Variants in GPRIN2 observed in about 807,000 individuals in gnomAD.
GPRIN2 encodes the protein G protein-regulated inducer of neurite outgrowth 2.
In GPRIN2, 1 loss-of-function variant was observed where a neutral mutation model predicts 0.3. That is an observed-to-expected ratio of 3.90 (90% CI 1.39 to 18.51). GPRIN2 has a LOEUF of 18.51. Among genes scored for constraint, GPRIN2 ranks in the 30% most tolerant of loss-of-function variants. The pLI is 0.11. For missense variants in GPRIN2, 880 were observed against 604.2 expected, an observed-to-expected ratio of 1.46 and a Z score of -4.79; for synonymous variants, 361 against 258.6, an observed-to-expected ratio of 1.40 and a Z score of -3.80.
chr10:46,554,835 C>T (rs1313519325), intron 1 of GPRIN2, 140 bp from the exon 2 acceptor site: 1 of 154,226 alleles, frequency 6.5e-6, no homozygotes, highest in East Asian at 1.9e-4. Flanking sequence ...CATGCTGCCA[C>T]AGCAGAGGAG....
upstream of GPRIN2, among the ~76,000 whole-genome samples, chr10:46,557,514 G>A (rs1843367804): frequency 1.3e-5 from 2 of 152,312 alleles, no homozygotes; most frequent in African/African-American, 2.4e-5. Flanking sequence ...GACCCCAACA[G>A]CGGGCGAGGG....
rs1402679314 is a variant in GPRIN2 at position 46,541,884 on chromosome 10, C to A, written c.*7476G>T. Among the ~76,000 whole-genome samples the A allele has an allele frequency of 6.6e-6, 1 of 152,300 alleles. No homozygotes were observed. Among genetic ancestry groups the A allele is most frequent in the Non-Finnish European group, 1.5e-5 (1 of 68,050 alleles). On this transcript the variant is annotated 3_prime_UTR_variant, in exon 3 of 3. Transcript: ENST00000374314. ...GTCCTACGGTATCCCAGGTGCCAGC[C>A]CCCTGTGTCCACACCCCTGCTGGTT...
At position 46,546,914 on chromosome 10, in the gene GPRIN2, G is replaced by C. The variant is rs1842209583; in HGVS notation, c.*2446C>G. ...GTGACGATGAGGTGAGTGGGAGCTTGGCTGAGCCCAGCCCGGCCTGCCATC... is the reference window on the plus strand; with the variant it reads ...GTGACGATGAGGTGAGTGGGAGCTTCGCTGAGCCCAGCCCGGCCTGCCATC... On this transcript the variant is annotated 3_prime_UTR_variant, in exon 3 of 3. Coordinates refer to ENST00000374314, the MANE Select transcript of GPRIN2 (RefSeq NM_001385282.1). Among the ~76,000 whole-genome samples, 1 of 152,310 alleles carries C rather than the reference G, an allele frequency of 6.6e-6. No homozygotes were observed. Among genetic ancestry groups the C allele is most frequent in the Non-Finnish European group, 1.5e-5 (1 of 68,056 alleles).
chr10:46,542,220 G>A lies in GPRIN2; in HGVS notation c.*7140C>T, dbSNP rs1833074412. 2.0e-5 allele frequency among the ~76,000 whole-genome samples: 3 copies of A among 152,422 alleles called. No homozygotes were observed. The East Asian group carries it at 5.8e-4, about 29-fold the overall frequency. ...CAGCAACAGGGAACAAATCTGAGTG[G>A]AGGGGAGAATTCTACCCCTCCCAGG... is the stretch of plus-strand genomic sequence containing the variant. On this transcript the variant is annotated 3_prime_UTR_variant, in exon 3 of 3. Coordinates refer to ENST00000374314, the MANE Select transcript of GPRIN2 (RefSeq NM_001385282.1).
intron 2 of GPRIN2, among the ~76,000 whole-genome samples, 170 bp from the exon 3 acceptor site, chr10:46,550,912 C>T (rs1378683515): frequency 3.9e-5 from 6 of 152,310 alleles, no homozygotes. Flanking sequence ...ACACCAGACA[C>T]TTCAAATCAA....
chr10:46,542,132 T>G lies in GPRIN2; in HGVS notation c.*7228A>C, dbSNP rs1292372789. ...CACCATCTCCCAGTCTGTTGACTGC[T>G]AAAAATGAGAAGTGAACAGAGAGAA... is the stretch of plus-strand genomic sequence containing the variant. On this transcript the variant is annotated 3_prime_UTR_variant, in exon 3 of 3. Coordinates refer to ENST00000374314, the MANE Select transcript of GPRIN2 (RefSeq NM_001385282.1). Among the ~76,000 whole-genome samples, 3 of 152,308 alleles carry G rather than the reference T, an allele frequency of 2.0e-5. No homozygotes were observed. Among genetic ancestry groups the G allele is most frequent in the African/African-American group, 7.2e-5 (3 of 41,488 alleles).
Position 46,550,446 on chromosome 10 carries a change from A to G in GPRIN2, c.291T>C (p.Asn97=). ...GGHWWSSTVG[N]VSTMGGSDLC... ...GGTCACTGCCGCCCATGGTGGACAC[A>G]TTGCCCACAGTGCTGCTCCACCAGT... Residue 97 remains asparagine, a synonymous_variant, in exon 3 of 3, where the codon AAT becomes AAC. Transcript: ENST00000374314. 6.2e-7 allele frequency: 1 copy of G among 1,611,938 alleles called. No individual in the cohort carries two copies. The highest frequency in any genetic ancestry group is 1.3e-5 in the African/African-American group (1 of 75,088).
At position 46,547,445 on chromosome 10, in the gene GPRIN2, C is replaced by A. The variant is rs1842267108; in HGVS notation, c.*1915G>T. Among the ~76,000 whole-genome samples, 2 of 152,312 alleles carry A rather than the reference C, an allele frequency of 1.3e-5. No homozygotes were observed. The highest frequency in any genetic ancestry group is 6.5e-5 in the Admixed American group (1 of 15,294). ...GACCCCTGGTCACCTCCCAACCCAA[C>A]AAACGCTCCAAATGAGCCGCCACTG... On this transcript the variant is annotated 3_prime_UTR_variant, in exon 3 of 3. Transcript: ENST00000374314.
At position 46,549,665 on chromosome 10, in the gene GPRIN2, C is replaced by A; in HGVS notation, c.1072G>T (p.Ala358Ser). The A allele has an allele frequency of 1.2e-6, 2 of 1,614,172 alleles. No homozygotes were observed. The highest frequency in any genetic ancestry group is 1.7e-6 in the Non-Finnish European group (2 of 1,179,958). ...VATSPSLEAP[A>S]ALHVFPEVTL... ...ACCTCTGGGAACACATGCAGGGCTG[C>A]AGGCGCTTCCAGGGACGGACTGGTG... is the stretch of plus-strand genomic sequence containing the variant. The change falls in exon 3 of 3, where the codon GCA becomes TCA. Residue 358 changes from alanine (A) to serine (S), a missense_variant. Ala to Ser is a moderately conservative substitution (Grantham distance 99). Transcript: ENST00000374314.
Position 46,550,426 on chromosome 10 carries a change from C to T in GPRIN2, c.311G>A (p.Ser104Asn), listed in dbSNP as rs1842493479. Residue 104 changes from serine (S) to asparagine (N), a missense_variant, in exon 3 of 3, where the codon AGT (serine) becomes AAT (asparagine). Ser to Asn is a conservative substitution (Grantham distance 46). Transcript: ENST00000374314. Reference sequence around the variant, plus strand: ...AGGGGCCCGCAGGCGACACAGGTCACTGCCGCCCATGGTGGACACATTGCC... The same window carrying T: ...AGGGGCCCGCAGGCGACACAGGTCATTGCCGCCCATGGTGGACACATTGCC... ...TVGNVSTMGG[S>N]DLCRLRAPSA... 1 of 1,611,788 alleles carries T rather than the reference C, an allele frequency of 6.2e-7. No individual in the cohort carries two copies. Among genetic ancestry groups the T allele is most frequent in the African/African-American group, 1.3e-5 (1 of 75,086 alleles).
rs1168693358 is a variant in GPRIN2 at position 46,543,556 on chromosome 10, T to C, written c.*5804A>G. Among the ~76,000 whole-genome samples, 1 of 152,308 alleles carries C rather than the reference T, an allele frequency of 6.6e-6. No individual in the cohort carries two copies. Among genetic ancestry groups the C allele is most frequent in the Admixed American group, 6.5e-5 (1 of 15,294 alleles). On this transcript the variant is annotated 3_prime_UTR_variant, in exon 3 of 3. Coordinates refer to ENST00000374314, the MANE Select transcript of GPRIN2 (RefSeq NM_001385282.1). The stretch of plus-strand genomic sequence containing the variant: ...TTCATAGGATGCAGAGAAAGCACAC[T>C]CTGTCTTTTCTCAGGAAAGCTGCAG...
intron 2 of GPRIN2, among the ~76,000 whole-genome samples, chr10:46,552,572 G>A (rs1842735800): frequency 6.6e-6 from 1 of 152,312 alleles, no homozygotes; most frequent in South Asian, 2.1e-4. Flanking sequence ...CCACAGTGAG[G>A]ATGATACTGG....
Position 46,549,441 on chromosome 10 carries a change from G to C in GPRIN2, c.1296C>G (p.Gly432=), listed in dbSNP as rs1402323227. 1.2e-6 allele frequency: 2 copies of C among 1,602,538 alleles called. No homozygotes were observed. Among genetic ancestry groups the C allele is most frequent in the African/African-American group, 2.7e-5 (2 of 74,706 alleles). ...TGACAGCCCGCAGTGGCCCCCTCCG[G>C]CCCTCCACAGACAGGCTGTCCTCGC... ...PASEDSLSVE[G]RRGPLRAVMQ... is the part of the protein sequence containing the mutation. The change falls in exon 3 of 3, where the codon GGC becomes GGG. Residue 432 remains glycine (G), a synonymous_variant. Transcript: ENST00000374314.
Position 46,552,128 on chromosome 10 carries a change from G to A in GPRIN2, c.-6-1386C>T, listed in dbSNP as rs1842682461. The stretch of plus-strand genomic sequence containing the variant: ...TCACGGAGGGTGAGAGATGAGAAAA[G>A]GCTTCCTGGAGGACCAGCCACGTAA... On this transcript the variant is annotated intron_variant, in intron 2 of 2. Transcript: ENST00000374314. 2.0e-5 allele frequency among the ~76,000 whole-genome samples: 3 copies of A among 152,426 alleles called. No individual in the cohort carries two copies. The South Asian group carries it at 6.2e-4, about 32-fold the overall frequency.
rs912447006 is a variant in GPRIN2 at position 46,542,067 on chromosome 10, C to A, written c.*7293G>T. On this transcript the variant is annotated 3_prime_UTR_variant, in exon 3 of 3. Coordinates refer to ENST00000374314, the MANE Select transcript of GPRIN2 (RefSeq NM_001385282.1). ...CCTCAAGAGTTGCAGGCTGGGCTTA[C>A]AAAAGCCACAAAGCTTGTGTACAAA... Among the ~76,000 whole-genome samples the A allele has an allele frequency of 3.3e-5, 5 of 152,306 alleles. No homozygotes were observed. Among genetic ancestry groups the A allele is most frequent in the Admixed American group, 6.5e-5 (1 of 15,294 alleles).
Position 46,550,479 on chromosome 10 carries a change from A to C in GPRIN2, c.258T>G (p.Ala86=), listed in dbSNP as rs1555020251. ...RASGPKARPS[A]GGHWWSSTVG... is the part of the protein sequence containing the mutation. ...CAGTGCTGCTCCACCAGTGGCCTCC[A>C]GCACTGGGTCGCGCCTTGGGGCCAG... Residue 86 remains alanine, a synonymous_variant, in exon 3 of 3, where the codon GCT becomes GCG. Coordinates refer to ENST00000374314, the MANE Select transcript of GPRIN2 (RefSeq NM_001385282.1). The C allele has an allele frequency of 8.7e-6, 14 of 1,610,534 alleles. No homozygotes were observed. The highest frequency in any genetic ancestry group is 2.7e-5 in the African/African-American group (2 of 74,926).
chr10:46,546,293 A>C lies in GPRIN2; in HGVS notation c.*3067T>G. On this transcript the variant is annotated 3_prime_UTR_variant, in exon 3 of 3. Transcript: ENST00000374314. ...GAGGCTTCAGCTGTCGGGGGTCCTG[A>C]ATGCCATGGAAGGAGAGCAGGTGGG... 6.6e-6 allele frequency among the ~76,000 whole-genome samples: 1 copy of C among 152,312 alleles called. No homozygotes were observed. Among genetic ancestry groups the C allele is most frequent in the Non-Finnish European group, 1.5e-5 (1 of 68,058 alleles).
rs1251236647 is a variant in GPRIN2, at chr10:46,550,495, T to C, written c.242A>G (p.Lys81Arg). The change falls in exon 3 of 3, where the codon AAG (lysine) becomes AGG (arginine). Residue 81 changes from lysine to arginine, a missense_variant. Physicochemically the swap from Lys to Arg is conservative, Grantham distance 26. Transcript: ENST00000374314. ...GTGGCCTCCAGCACTGGGTCGCGCC[T>C]TGGGGCCAGAGGCCCGTGCTGGCTT... Reference protein sequence around the residue: ...SMKPARASGPKARPSAGGHWW... With the variant: ...SMKPARASGPRARPSAGGHWW... 6.2e-7 allele frequency: 1 copy of C among 1,608,494 alleles called. No individual in the cohort carries two copies. The highest frequency in any genetic ancestry group is 8.5e-7 in the Non-Finnish European group (1 of 1,176,926).
At chr10:46,556,841 C>T (rs1163486746), upstream of GPRIN2, among the ~76,000 whole-genome samples, 1 of 152,278 alleles carries the variant, frequency 6.6e-6, no homozygotes, top group African/African-American at 2.4e-5. Context: ...CCACTGTCCT[C>T]GGTCTTTTCG....
Sources: gnomAD v4.1 joint callset for allele counts (sites outside exome capture counted in the v4.1 genomes callset) on GRCh38, gnomAD v4.1.1 for gene constraint, MANE v1.5 for transcripts, NCBI Gene and HGNC (gene_info 2026-07-23, HGNC 2026-07-21) for gene names.